SLC39A12: variants seen among roughly 807,000 people sequenced by gnomAD.
SLC39A12 encodes the protein zinc transporter ZIP12.
In SLC39A12, 63 loss-of-function variants were observed where a neutral mutation model predicts 71.1. That is an observed-to-expected ratio of 0.89 (90% confidence interval 0.72 to 1.09). The LOEUF is 1.09. SLC39A12 is among the 50% of genes least tolerant of loss of function. The pLI is 0.00. For missense variants in SLC39A12, 892 were observed against 812.6 expected, an observed-to-expected ratio of 1.10 and a Z score of -1.19; for synonymous variants, 351 against 301.3, an observed-to-expected ratio of 1.16 and a Z score of -1.71.
chr10:18,036,212 C>T (rs1233741044), intron 12 of SLC39A12, among the ~76,000 whole-genome samples: 1 of 152,250 alleles, frequency 6.6e-6, no homozygotes, highest in Non-Finnish European at 1.5e-5. Flanking sequence ...TTTACCTAAG[C>T]AAGCCTGGGC....
chr10:18,019,877 G>C (rs1836484511), intron 12 of SLC39A12, among the ~76,000 whole-genome samples: 1 of 152,022 alleles, frequency 6.6e-6, no homozygotes, highest in African/African-American at 2.4e-5. Flanking sequence ...TTTGCAATCT[G>C]CTCTTGTTGG....
Position 18,017,544 on chromosome 10 carries a change from T to C in SLC39A12, c.1947+14186T>C, listed in dbSNP as rs1365065412. On this transcript the variant is annotated intron_variant, in intron 12 of 12. Coordinates refer to ENST00000377369, the MANE Select transcript of SLC39A12 (RefSeq NM_001145195.2). ...GGCTGGTCTTGAACTCCTGACCTCATGATCCACCCACCTTTTTGTGAAGAA... is the reference window on the plus strand; with the variant it reads ...GGCTGGTCTTGAACTCCTGACCTCACGATCCACCCACCTTTTTGTGAAGAA... Among the ~76,000 whole-genome samples the C allele has an allele frequency of 3.9e-5, 6 of 152,154 alleles. No individual in the cohort carries two copies. In the East Asian group the frequency reaches 1.2e-3, roughly 29 times the overall value.
At chr10:18,017,592 CT>C (rs1334459795) in intron 12 of SLC39A12, among the ~76,000 whole-genome samples, 4 of 152,136 alleles carry the variant, frequency 2.6e-5, no homozygotes, top group Non-Finnish European at 5.9e-5. Flanking sequence ...TCTAGATTCA[CT>C]TTTTTTGTAA....
In SLC39A12 at chr10:17,953,416, T is replaced by C. The variant is rs1834456804; in HGVS notation, c.140T>C (p.Leu47Pro). 2 of 1,614,070 alleles carry C rather than the reference T, an allele frequency of 1.2e-6. No individual in the cohort carries two copies. Among genetic ancestry groups the C allele is most frequent in the African/African-American group, 2.7e-5 (2 of 74,910 alleles). Residue 47 changes from leucine (L) to proline (P), a missense_variant, in exon 2 of 13, where the codon CTA (leucine) becomes CCA (proline). Leu to Pro is a moderately conservative substitution (Grantham distance 98). Coordinates refer to ENST00000377369, the MANE Select transcript of SLC39A12 (RefSeq NM_001145195.2). Reference sequence around the variant, plus strand: ...AGTTCAGGCCAACCGGCAGACCTGCTACAGGTTCTCTCTGCTGGTGACCAC... The same window carrying C: ...AGTTCAGGCCAACCGGCAGACCTGCCACAGGTTCTCTCTGCTGGTGACCAC... ...RGSSGQPADL[L>P]QVLSAGDHPP...
At chr10:18,013,188 T>A (rs1410235980) in intron 12 of SLC39A12, among the ~76,000 whole-genome samples, 3 of 151,270 alleles carry the variant, frequency 2.0e-5, no homozygotes, top group Non-Finnish European at 4.4e-5. Flanking sequence ...AGATAAGTAG[T>A]TAATAAGCAT....
chr10:18,042,691 T>G lies in SLC39A12; in HGVS notation c.1948-14T>G. 1.9e-6 allele frequency: 3 copies of G among 1,599,214 alleles called. No homozygotes were observed. In the South Asian group the frequency reaches 3.4e-5, roughly 18 times the overall value. Reference sequence around the variant, plus strand: ...ATATCTGGATCTTATTCTGGTTTTTTATTCTTTTTTTAGCTTCCTGAAATG... The same window carrying G: ...ATATCTGGATCTTATTCTGGTTTTTGATTCTTTTTTTAGCTTCCTGAAATG... On this transcript the variant is annotated splice_polypyrimidine_tract_variant and intron_variant, in intron 12 of 12. Coordinates refer to ENST00000377369, the MANE Select transcript of SLC39A12 (RefSeq NM_001145195.2).
chr10:18,036,226 G>T (rs1296318248), intron 12 of SLC39A12, among the ~76,000 whole-genome samples: 1 of 152,248 alleles, frequency 6.6e-6, no homozygotes, highest in Non-Finnish European at 1.5e-5. Context: ...CCTGGGCAAT[G>T]GCGGGCGCCC....
intron 12 of SLC39A12, among the ~76,000 whole-genome samples, chr10:18,017,027 T>C (rs1342083519): frequency 6.6e-6 from 1 of 152,192 alleles, no homozygotes; most frequent in Non-Finnish European, 1.5e-5. Flanking sequence ...AACTGAGGTT[T>C]TAATTTTGGG....
rs567887054 is a variant in SLC39A12, at chr10:17,965,706, C to T, written c.751+16C>T. On this transcript the variant is annotated intron_variant, in intron 4 of 12. Transcript: ENST00000377369. Reference sequence around the variant, plus strand: ...CGCCTATCAGGTAAGGATGTTTTCACGAATTTAACTTCCAAGTCACACCTG... The same window carrying T: ...CGCCTATCAGGTAAGGATGTTTTCATGAATTTAACTTCCAAGTCACACCTG... 103 of 1,592,916 alleles carry T rather than the reference C, an allele frequency of 6.5e-5. No individual in the cohort carries two copies. In the South Asian group the frequency reaches 7.1e-4, roughly 11 times the overall value.
At chr10:18,034,250 G>T (rs1227803021) in intron 12 of SLC39A12, among the ~76,000 whole-genome samples, 5 of 149,332 alleles carry the variant, frequency 3.3e-5, no homozygotes, top group Admixed American at 6.7e-5. Flanking sequence ...TGACAGTGGG[G>T]TGTTAAAGTC....
At position 17,965,537 on chromosome 10, in the gene SLC39A12, G is replaced by C; in HGVS notation, c.598G>C (p.Ala200Pro). Reference protein sequence around the residue: ...KKSGIVSSEGANESTLPQLAA... With the variant: ...KKSGIVSSEGPNESTLPQLAA... ...ATCTGGAATAGTGAGCAGTGAAGGT[G>C]CTAATGAAAGTACGCTTCCTCAGTT... The change falls in exon 4 of 13, where the codon GCT (alanine) becomes CCT (proline). Residue 200 changes from alanine (A) to proline (P), a missense_variant. Coordinates refer to ENST00000377369, the MANE Select transcript of SLC39A12 (RefSeq NM_001145195.2). 1 of 1,614,198 alleles carries C rather than the reference G, an allele frequency of 6.2e-7. No individual in the cohort carries two copies. The highest frequency in any genetic ancestry group is 1.3e-5 in the African/African-American group (1 of 75,052).
chr10:18,027,597 T>C (rs1672583537), intron 12 of SLC39A12, among the ~76,000 whole-genome samples: 1 of 152,204 alleles, frequency 6.6e-6, no homozygotes, highest in African/African-American at 2.4e-5. Flanking sequence ...ATTCATTCAT[T>C]GCAGTCAGAT....
At chr10:18,014,668 A>G (rs73607867) in intron 12 of SLC39A12, among the ~76,000 whole-genome samples, 2,801 of 152,314 alleles carry the variant, frequency 0.018, 91 homozygotes, top group African/African-American at 0.063. Flanking sequence ...TTGTCTTTCA[A>G]TGTTAGAAGG....
chr10:18,012,274 C>T (rs1836248146), intron 12 of SLC39A12, among the ~76,000 whole-genome samples: 1 of 152,062 alleles, frequency 6.6e-6, no homozygotes, highest in African/African-American at 2.4e-5. Flanking sequence ...TAGCCATAAC[C>T]AAACTTTTAT....
At position 18,003,361 on chromosome 10, in the gene SLC39A12, A is replaced by G; in HGVS notation, c.1947+3A>G. On this transcript the variant is annotated splice_donor_region_variant and intron_variant, in intron 12 of 12. Coordinates refer to ENST00000377369, the MANE Select transcript of SLC39A12 (RefSeq NM_001145195.2). ...TATATTTATCCTTGGTTGAAATGGT[A>G]AGCTTGGTGGCTTTTCTATTTGATT... 1.2e-6 allele frequency: 2 copies of G among 1,604,214 alleles called. No homozygotes were observed. Among genetic ancestry groups the G allele is most frequent in the Non-Finnish European group, 1.7e-6 (2 of 1,176,858 alleles).
At chr10:18,017,694 T>A (rs1281359206) in intron 12 of SLC39A12, among the ~76,000 whole-genome samples, 1 of 152,214 alleles carries the variant, frequency 6.6e-6, no homozygotes. Flanking sequence ...ATCAGCTCAC[T>A]GTATATAGGT....
chr10:17,976,970 A>G (rs1197327521), intron 4 of SLC39A12, among the ~76,000 whole-genome samples: 3 of 151,940 alleles, frequency 2.0e-5, no homozygotes, highest in African/African-American at 7.3e-5. Context: ...GTCTGTGAAC[A>G]CTTGTTCTTT....
chr10:18,016,202 T>C (rs1246540188), intron 12 of SLC39A12, among the ~76,000 whole-genome samples: 1 of 152,182 alleles, frequency 6.6e-6, no homozygotes, highest in Non-Finnish European at 1.5e-5. Context: ...TGTTTATTCT[T>C]CCTTCCCCCA....
chr10:18,041,885 A>C (rs1837265253), intron 12 of SLC39A12, among the ~76,000 whole-genome samples: 1 of 148,760 alleles, frequency 6.7e-6, no homozygotes, highest in South Asian at 2.1e-4. Context: ...ATATATATAC[A>C]CACATATATG....
Sources: gnomAD v4.1 joint callset for allele counts (sites outside exome capture counted in the v4.1 genomes callset) on GRCh38, gnomAD v4.1.1 for gene constraint, MANE v1.5 for transcripts, NCBI Gene and HGNC (gene_info 2026-07-23, HGNC 2026-07-21) for gene names.